The following PKD2 variants were observed in gnomAD, a reference collection of about 807,000 sequenced individuals.
The protein encoded by PKD2 is polycystin-2.
Under a neutral mutation model 105.9 loss-of-function variants are expected in PKD2, and 48 were observed. That is an observed-to-expected ratio of 0.45 (90% CI 0.36 to 0.58). PKD2 has a LOEUF of 0.58. Ranked by LOEUF, PKD2 falls within the 20% of genes least tolerant of loss-of-function variation. The probability of loss-of-function intolerance (pLI) is 0.00; values close to 1 mark genes in which losing one functional copy is unlikely to be tolerated. For synonymous variants in PKD2, 464 were observed against 481.1 expected (o/e 0.96, Z 0.46); for missense variants, 1,078 against 1,255.3 (o/e 0.86, Z 2.13).
At chr4:88,074,104 GATT>G (rs1560632416) in intron 13 of PKD2, among the ~76,000 whole-genome samples, 1 of 152,062 alleles carries the variant, frequency 6.6e-6, no homozygotes, top group Non-Finnish European at 1.5e-5. Context: ...GATGAACAAT[GATT>G]ATTTAATTTC....
chr4:88,028,504 TTGAC>T (rs1456962274), intron 2 of PKD2, among the ~76,000 whole-genome samples: 2 of 152,244 alleles, frequency 1.3e-5, no homozygotes, highest in African/African-American at 4.8e-5. Context: ...TTCTGATAAA[TTGAC>T]TGGACAAAAA....
At chr4:88,057,330 G>A (rs1026050970) in intron 8 of PKD2, among the ~76,000 whole-genome samples, 5 of 151,756 alleles carry the variant, frequency 3.3e-5, no homozygotes, top group African/African-American at 7.3e-5. Context: ...ACTTTAGACC[G>A]AGGGTGACTG....
intron 4 of PKD2, among the ~76,000 whole-genome samples, chr4:88,042,674 T>C (rs1727611218): frequency 6.6e-6 from 1 of 152,214 alleles, no homozygotes; most frequent in Non-Finnish European, 1.5e-5. Context: ...CCACCTTGTA[T>C]TTTACTTGTT....
At chr4:88,024,299 A>T (rs1425204347) in intron 2 of PKD2, among the ~76,000 whole-genome samples, 1 of 151,950 alleles carries the variant, frequency 6.6e-6, no homozygotes, top group South Asian at 2.1e-4. Flanking sequence ...TCTACAAGAT[A>T]TACAAAAATT....
chr4:88,007,816 G>C lies in PKD2; in HGVS notation c.83G>C (p.Arg28Pro), dbSNP rs1805044. Residue 28 changes from arginine (R) to proline (P), a missense_variant, in exon 1 of 15, where the codon CGG (arginine) becomes CCG (proline). Arg to Pro is a moderately radical substitution (Grantham distance 103). Transcript: ENST00000237596. ...PPAPRAPDPGRLMAGCAAVGA... is the reference protein window; with the variant it reads ...PPAPRAPDPGPLMAGCAAVGA... ...GCGCCCCGCGCGCCGGACCCGGGCC[G>C]GCTGATGGCTGGCTGCGCGGCCGTG... 352,260 of 1,173,158 alleles carry C rather than the reference G, an allele frequency of 0.3. 56,509 individuals carry two copies. Among genetic ancestry groups the C allele is most frequent in the Non-Finnish European group, 0.33 (311,729 of 952,344 alleles). 72.7% of individuals were successfully genotyped at this position (1,173,158 alleles called of 1,614,324 possible). A position where few individuals can be genotyped will look rare whatever the true frequency, so the allele number is the denominator to read the frequency against.
chr4:88,034,194 G>A (rs1054274474), intron 2 of PKD2, among the ~76,000 whole-genome samples: 3 of 152,110 alleles, frequency 2.0e-5, no homozygotes, highest in Non-Finnish European at 4.4e-5. Context: ...ACAGGTGAGG[G>A]AGCCAAACCA....
At chr4:88,027,777 T>A (rs1727008348) in intron 2 of PKD2, among the ~76,000 whole-genome samples, 1 of 152,170 alleles carries the variant, frequency 6.6e-6, no homozygotes, top group Non-Finnish European at 1.5e-5. Context: ...CCCATGCTGT[T>A]TGCATGATAG....
chr4:88,040,177 G>T (rs568293991), intron 4 of PKD2, among the ~76,000 whole-genome samples: 3 of 152,174 alleles, frequency 2.0e-5, no homozygotes, highest in South Asian at 2.1e-4. Flanking sequence ...TAACAAATTG[G>T]ACTGAACCAA....
chr4:88,043,070 A>G (rs911942559), intron 4 of PKD2, among the ~76,000 whole-genome samples, 163 bp from the exon 5 acceptor site: 1 of 152,190 alleles, frequency 6.6e-6, no homozygotes, highest in African/African-American at 2.4e-5. Context: ...TAATAACAGT[A>G]TGAGAATTAA....
chr4:88,057,957 TGTG>T (rs758028782), intron 8 of PKD2, 23 bp from the exon 9 acceptor site: 2 of 1,547,408 alleles, frequency 1.3e-6, no homozygotes, highest in African/African-American at 1.4e-5. Flanking sequence ...GTTTTTGTAT[TGTG>T]GTGTTTTGTT....
intron 11 of PKD2, 99 bp downstream of exon 11, chr4:88,065,594 T>A: frequency 2.7e-6 from 1 of 368,660 alleles, no homozygotes; most frequent in Non-Finnish European, 4.2e-6. Context: ...ATACAGATAC[T>A]TTTTTTTTTT....
chr4:88,071,061 C>CT (rs139469985), intron 13 of PKD2, among the ~76,000 whole-genome samples: 22,896 of 147,858 alleles, frequency 0.15, 4,811 homozygotes, highest in African/African-American at 0.48. Flanking sequence ...TCATAACTTC[C>CT]TTTTTTTTTT....
intron 1 of PKD2, among the ~76,000 whole-genome samples, chr4:88,015,515 C>T (rs183169368): frequency 2.2e-4 from 33 of 152,228 alleles, no homozygotes; most frequent in Non-Finnish European, 3.2e-4. Context: ...CGGGTTCAAG[C>T]GATTCTCCTG....
chr4:88,024,768 G>T (rs574270665), intron 2 of PKD2, among the ~76,000 whole-genome samples: 174 of 152,174 alleles, frequency 1.1e-3, no homozygotes, highest in Non-Finnish European at 2.0e-3. Context: ...ATCACAAAGG[G>T]TTAATATTTT....
chr4:88,025,857 T>A (rs1726942164), intron 2 of PKD2, among the ~76,000 whole-genome samples: 1 of 152,150 alleles, frequency 6.6e-6, no homozygotes, highest in Non-Finnish European at 1.5e-5. Context: ...TTACCCCTTC[T>A]TTTTCTCTCT....
At chr4:88,051,467 T>TG (rs1720093418) in intron 6 of PKD2, among the ~76,000 whole-genome samples, 1 of 152,238 alleles carries the variant, frequency 6.6e-6, no homozygotes, top group South Asian at 2.1e-4. Flanking sequence ...TCTTAGCCCT[T>TG]GCACAGTGCT....
At chr4:88,071,246 G>T (rs1363427627) in intron 13 of PKD2, among the ~76,000 whole-genome samples, 1 of 149,764 alleles carries the variant, frequency 6.7e-6, no homozygotes, top group Non-Finnish European at 1.5e-5. Flanking sequence ...TAGAGATGGG[G>T]TCTAAGTTGC....
In PKD2 at chr4:88,015,472, G is replaced by A. The variant is rs150446362; in HGVS notation, c.596-3986G>A. On this transcript the variant is annotated intron_variant, in intron 1 of 14. Coordinates refer to ENST00000237596, the MANE Select transcript of PKD2 (RefSeq NM_000297.4). ...CTTTTGCCCAGGTTGGAGTGCAGTG[G>A]TGTGATCTCGGCTCACTGTAGCCTC... Among the ~76,000 whole-genome samples the A allele has an allele frequency of 4.6e-3, 700 of 152,306 alleles. 9 individuals are homozygous for A. The highest frequency in any genetic ancestry group is 0.015 in the African/African-American group (613 of 41,556).
chr4:88,052,548 G>A (rs951160558), intron 7 of PKD2, among the ~76,000 whole-genome samples: 1 of 152,160 alleles, frequency 6.6e-6, no homozygotes, highest in African/African-American at 2.4e-5. Context: ...GGGATTACAG[G>A]CATGAGCCAC....
Sources: gnomAD v4.1 joint callset for allele counts (sites outside exome capture counted in the v4.1 genomes callset) on GRCh38, gnomAD v4.1.1 for gene constraint, MANE v1.5 for transcripts, NCBI Gene and HGNC (gene_info 2026-07-23, HGNC 2026-07-21) for gene names.